MPHOSPH10: variants seen among roughly 807,000 people sequenced by gnomAD.
The protein encoded by MPHOSPH10 is M-phase phosphoprotein 10.
MPHOSPH10 carries 33 observed loss-of-function variants against 77.3 expected under a neutral mutation model. The ratio of observed to expected loss-of-function variants is 0.43; its 90% CI spans 0.32 to 0.57. The LOEUF is 0.57. Among genes scored for constraint, MPHOSPH10 ranks in the 20% least tolerant of loss-of-function variants. MPHOSPH10 has a pLI of 0.07. For synonymous variants in MPHOSPH10, 245 were observed against 268.0 expected (o/e 0.91, Z 0.84); for missense variants, 708 against 780.1 (o/e 0.91, Z 1.10).
chr2:71,144,190 T>G (rs1673665677), intron 7 of MPHOSPH10: 1 of 314,406 alleles, frequency 3.2e-6, no homozygotes, highest in Admixed American at 5.0e-5. Context: ...GTAATTAAAT[T>G]TTTAAGTTCT....
In MPHOSPH10 at chr2:71,134,049, C is replaced by G; in HGVS notation, c.870C>G (p.Asn290Lys). 3.7e-6 allele frequency: 6 copies of G among 1,609,122 alleles called. No homozygotes were observed. The highest frequency in any genetic ancestry group is 4.2e-6 in the Non-Finnish European group (5 of 1,177,518). ...TTCATGATGATGAGCTGGATTCAAA[C>G]AAAGAAGATGATGAAATTGCTGAAG... ...TNVHDDELDSNKEDDEIAEEE... is the reference protein window; with the variant it reads ...TNVHDDELDSKKEDDEIAEEE... The change falls in exon 3 of 11, where the codon AAC (asparagine) becomes AAG (lysine). Residue 290 changes from asparagine (N) to lysine (K), a missense_variant. Transcript: ENST00000244230.
chr2:71,147,071 G>T (rs23907), intron 8 of MPHOSPH10, among the ~76,000 whole-genome samples: 51,298 of 151,950 alleles, frequency 0.34, 8,907 homozygotes, highest in Admixed American at 0.41. Context: ...GATACTGTTT[G>T]AGTTTTTCAG....
chr2:71,133,165 T>C lies in MPHOSPH10; in HGVS notation c.357T>C (p.Gly119=). 1 of 1,614,124 alleles carries C rather than the reference T, an allele frequency of 6.2e-7. No individual in the cohort carries two copies. Among genetic ancestry groups the C allele is most frequent in the Non-Finnish European group, 8.5e-7 (1 of 1,180,010 alleles). ...AAGAACAGGAACGTGAAGAGGATGG[T>C]TCAGAGATAGAGGCTGATGACAAGG... is the stretch of plus-strand genomic sequence containing the variant. ...ESEEQEREED[G]SEIEADDKED... Residue 119 remains glycine (G), a synonymous_variant, in exon 2 of 11, where the codon GGT becomes GGC. Transcript: ENST00000244230.
rs188217922 is a variant in MPHOSPH10 at position 71,141,822 on chromosome 2, G to C, written c.1446+453G>C. On this transcript the variant is annotated intron_variant, in intron 7 of 10. Coordinates refer to ENST00000244230, the MANE Select transcript of MPHOSPH10 (RefSeq NM_005791.3). ...AGGCGGGCGGATTGCTTGAGGTCAG[G>C]AGTTTTAGACCTGCCTGGCCAACAT... Among the ~76,000 whole-genome samples the C allele has an allele frequency of 6.4e-4, 97 of 152,138 alleles. 1 individual carries two copies. Among genetic ancestry groups the C allele is most frequent in the Non-Finnish European group, 9.9e-4 (67 of 67,996 alleles).
intron 8 of MPHOSPH10, among the ~76,000 whole-genome samples, chr2:71,147,677 GAAAAAA>G (rs557385218): frequency 5.6e-5 from 8 of 141,636 alleles, no homozygotes; most frequent in Admixed American, 4.2e-4. Flanking sequence ...TGTCTCAAAA[GAAAAAA>G]AAAAAGAAAA....
At chr2:71,145,798 C>T (rs970982762) in intron 8 of MPHOSPH10, among the ~76,000 whole-genome samples, 1 of 152,098 alleles carries the variant, frequency 6.6e-6, no homozygotes, top group Non-Finnish European at 1.5e-5. Context: ...ATTCCTTGAG[C>T]AGGCCAAGTC....
At chr2:71,134,175 A>G in intron 3 of MPHOSPH10, 70 bp downstream of exon 3, 2 of 1,429,284 alleles carry the variant, frequency 1.4e-6, no homozygotes, top group Admixed American at 4.5e-5. Flanking sequence ...ACTCGTAGTT[A>G]TCAAATGTGT....
intron 4 of MPHOSPH10, 90 bp downstream of exon 4, chr2:71,134,887 C>T: frequency 9.2e-7 from 1 of 1,089,664 alleles, no homozygotes; most frequent in Non-Finnish European, 1.3e-6. Flanking sequence ...AATATCTTGG[C>T]CAGGTGCAGT....
At chr2:71,146,542 T>C (rs1281082133) in intron 8 of MPHOSPH10, among the ~76,000 whole-genome samples, 1 of 152,126 alleles carries the variant, frequency 6.6e-6, no homozygotes, top group African/African-American at 2.4e-5. Flanking sequence ...TTCACCATGT[T>C]AGCCAGGCTG....
chr2:71,138,662 C>T (rs761191894), intron 5 of MPHOSPH10, 31 bp downstream of exon 5: 1 of 1,613,726 alleles, frequency 6.2e-7, no homozygotes, highest in South Asian at 1.1e-5. Context: ...GTTTTCATGT[C>T]TGTGCTTTTT....
chr2:71,131,784 A>AG (rs1171585215), intron 1 of MPHOSPH10, among the ~76,000 whole-genome samples: 6 of 152,204 alleles, frequency 3.9e-5, no homozygotes, highest in Non-Finnish European at 8.8e-5. Flanking sequence ...CAGTTAAGGT[A>AG]GGGCAGGGAC....
chr2:71,133,456 C>T lies in MPHOSPH10; in HGVS notation c.648C>T (p.Asn216=). 6.2e-7 allele frequency: 1 copy of T among 1,613,388 alleles called. No homozygotes were observed. Among genetic ancestry groups the T allele is most frequent in the Non-Finnish European group, 8.5e-7 (1 of 1,179,706 alleles). ...KLSEMEAYLE[N]IEKEEERKDD... ...CTGAAATGGAGGCCTATTTAGAAAA[C>T]ATAGAAAAAGAAGAGGAACGAAAAG... Residue 216 remains asparagine (N), a synonymous_variant, in exon 2 of 11, where the codon AAC becomes AAT. Transcript: ENST00000244230.
Position 71,130,728 on chromosome 2 carries a change from C to T in MPHOSPH10, c.63C>T (p.Ala21=). Residue 21 remains alanine (A), a synonymous_variant, in exon 1 of 11, where the codon GCC becomes GCT. Coordinates refer to ENST00000244230, the MANE Select transcript of MPHOSPH10 (RefSeq NM_005791.3). ...LERCLTEVGK[A]TGRPECFLTI... is the part of the protein sequence containing the mutation. ...GGTGTCTGACGGAAGTCGGCAAAGC[C>T]ACGGGTCGGCCCGAGTGCTTCCTCA... is the stretch of plus-strand genomic sequence containing the variant. 1 of 1,610,654 alleles carries T rather than the reference C, an allele frequency of 6.2e-7. No individual in the cohort carries two copies. The highest frequency in any genetic ancestry group is 1.1e-5 in the South Asian group (1 of 90,820).
intron 9 of MPHOSPH10, 184 bp downstream of exon 9, chr2:71,148,290 C>G (rs1673756307): frequency 1.3e-5 from 7 of 536,768 alleles, no homozygotes; most frequent in Non-Finnish European, 2.3e-5. Flanking sequence ...TATATTCTGG[C>G]TTTATTATGA....
At chr2:71,134,427 C>CT (rs1417901115) in intron 3 of MPHOSPH10, among the ~76,000 whole-genome samples, 199 bp from the exon 4 acceptor site, 1 of 151,960 alleles carries the variant, frequency 6.6e-6, no homozygotes, top group Non-Finnish European at 1.5e-5. Context: ...ATGTTGGACA[C>CT]TTTTTTTTCT....
Position 71,144,501 on chromosome 2 carries a change from T to C in MPHOSPH10, c.1520T>C (p.Leu507Ser). 1 of 1,614,164 alleles carries C rather than the reference T, an allele frequency of 6.2e-7. No homozygotes were observed. The highest frequency in any genetic ancestry group is 8.5e-7 in the Non-Finnish European group (1 of 1,179,982). The part of the protein sequence containing the change: ...QKMMDSLFLK[L>S]DALSNFHFIP... ...ATGATGGATTCCCTCTTCTTAAAAT[T>C]GGATGCCCTCTCAAACTTCCACTTT... Residue 507 changes from leucine to serine, a missense_variant, in exon 8 of 11, where the codon TTG becomes TCG. By Grantham distance (145) the Leu-to-Ser change is moderately radical (BLOSUM62 -2). Around this residue, in one of 3 missense-constraint regions of MPHOSPH10, gnomAD observed 263 missense variants for 320.0 expected, o/e 0.82. Coordinates refer to ENST00000244230, the MANE Select transcript of MPHOSPH10 (RefSeq NM_005791.3).
rs150811424 is a variant in MPHOSPH10 at position 71,141,893 on chromosome 2, G to C, written c.1446+524G>C. Reference sequence around the variant, plus strand: ...AAAAATACGAAAAAATTAGACGGGCGTGGTGGCATGTGCCTGTAATCCTAG... The same window carrying C: ...AAAAATACGAAAAAATTAGACGGGCCTGGTGGCATGTGCCTGTAATCCTAG... On this transcript the variant is annotated intron_variant, in intron 7 of 10. Coordinates refer to ENST00000244230, the MANE Select transcript of MPHOSPH10 (RefSeq NM_005791.3). 7.9e-5 allele frequency among the ~76,000 whole-genome samples: 12 copies of C among 152,084 alleles called. No homozygotes were observed. The East Asian group carries it at 2.1e-3, about 27-fold the overall frequency.
At chr2:71,148,156 C>G in intron 9 of MPHOSPH10, 50 bp downstream of exon 9, 1 of 1,434,860 alleles carries the variant, frequency 7.0e-7, no homozygotes, top group African/African-American at 1.4e-5. Flanking sequence ...GTTAGTTGAT[C>G]ATAGCCAGAC....
At chr2:71,134,916 T>A (rs12995262) in intron 4 of MPHOSPH10, 119 bp downstream of exon 4, 237,750 of 787,902 alleles carry the variant, frequency 0.3, 37,017 homozygotes, top group Admixed American at 0.4. Flanking sequence ...CCTGTAATCC[T>A]AACACTTTGG....
Sources: gnomAD v4.1 joint callset for allele counts (sites outside exome capture counted in the v4.1 genomes callset) on GRCh38, gnomAD v4.1.1 for gene constraint, gnomAD v4.1.1 regional missense constraint, MANE v1.5 for transcripts, NCBI Gene and HGNC (gene_info 2026-07-23, HGNC 2026-07-21) for gene names.